The following TMEM132D variants were observed in gnomAD, a reference collection of about 807,000 sequenced individuals.
TMEM132D encodes the protein mature OL transmembrane protein.
A neutral mutation model predicts 62.3 loss-of-function variants in TMEM132D; 21 were observed. The observed-to-expected ratio is 0.34, with a 90% CI of 0.24 to 0.49. TMEM132D has a LOEUF of 0.49. TMEM132D is among the 20% of genes least tolerant of loss of function. The pLI, the probability that TMEM132D is intolerant of heterozygous loss-of-function variation, is 0.99. For missense variants in TMEM132D, 1,346 were observed against 1,402.8 expected, an observed-to-expected ratio of 0.96 and a Z score of 0.65; for synonymous variants, 621 against 575.6, an observed-to-expected ratio of 1.08 and a Z score of -1.13.
chr12:129,815,049 C>T (rs1398928171), intron 1 of TMEM132D, among the ~76,000 whole-genome samples: 1 of 152,032 alleles, frequency 6.6e-6, no homozygotes, highest in Non-Finnish European at 1.5e-5. Flanking sequence ...TTAAGAGCTC[C>T]CTGAGATTGG....
intron 4 of TMEM132D, among the ~76,000 whole-genome samples, chr12:129,287,288 T>C (rs2135615930): frequency 6.6e-6 from 1 of 152,182 alleles, no homozygotes; most frequent in Non-Finnish European, 1.5e-5. Context: ...AAAACAAATA[T>C]CCATGAGTTC....
chr12:129,708,533 G>T (rs942129446), intron 1 of TMEM132D, among the ~76,000 whole-genome samples: 1 of 142,884 alleles, frequency 7.0e-6, no homozygotes, highest in Non-Finnish European at 1.5e-5. Context: ...GCCAGCAGCT[G>T]CCACCCCCAG....
At chr12:129,442,351 C>G (rs1872962592) in intron 3 of TMEM132D, among the ~76,000 whole-genome samples, 1 of 152,122 alleles carries the variant, frequency 6.6e-6, no homozygotes, top group Non-Finnish European at 1.5e-5. Context: ...AGTGCACTTG[C>G]TCTTGGGAGA....
chr12:129,468,518 C>G (rs560648373), intron 3 of TMEM132D, among the ~76,000 whole-genome samples: 10 of 152,320 alleles, frequency 6.6e-5, no homozygotes, highest in African/African-American at 2.4e-4. Flanking sequence ...ACACCTCCAG[C>G]CTCAGACAAG....
intron 1 of TMEM132D, among the ~76,000 whole-genome samples, chr12:129,770,395 G>T (rs1870705412): frequency 6.6e-6 from 1 of 152,086 alleles, no homozygotes; most frequent in Admixed American, 6.5e-5. Context: ...GCCTGCCTCG[G>T]CCTCCCAAAA....
At chr12:129,563,958 A>G (rs868397906) in intron 2 of TMEM132D, among the ~76,000 whole-genome samples, 3 of 152,240 alleles carry the variant, frequency 2.0e-5, no homozygotes, top group Non-Finnish European at 4.4e-5. Flanking sequence ...TACAAAAGAC[A>G]GAATCAAACT....
intron 3 of TMEM132D, among the ~76,000 whole-genome samples, chr12:129,386,494 C>T (rs1006806775): frequency 4.6e-5 from 7 of 151,732 alleles, no homozygotes; most frequent in African/African-American, 1.7e-4. Flanking sequence ...ACACCAACAC[C>T]ACCAATGCTA....
At chr12:129,235,567 A>T (rs1228133724) in intron 4 of TMEM132D, among the ~76,000 whole-genome samples, 2 of 152,148 alleles carry the variant, frequency 1.3e-5, no homozygotes, top group African/African-American at 4.8e-5. Context: ...ATATTTTATT[A>T]TGTGGTTATA....
At chr12:129,488,710 TGGTATTCAGGAGTGTGGCG>T (rs1874664786) in intron 3 of TMEM132D, among the ~76,000 whole-genome samples, 1 of 151,890 alleles carries the variant, frequency 6.6e-6, no homozygotes, top group Non-Finnish European at 1.5e-5. Flanking sequence ...CAGGTATGTT[TGGTATTCAGGAGTGTGGCG>T]GGGGAAACTT....
intron 5 of TMEM132D, among the ~76,000 whole-genome samples, chr12:129,177,447 C>T (rs1013885977): frequency 6.6e-6 from 1 of 152,050 alleles, no homozygotes; most frequent in Non-Finnish European, 1.5e-5. Flanking sequence ...GAGGTGGTTG[C>T]CAGTGTTTGG....
chr12:129,755,897 C>T (rs765892939), intron 1 of TMEM132D, among the ~76,000 whole-genome samples: 5 of 152,140 alleles, frequency 3.3e-5, no homozygotes, highest in East Asian at 1.9e-4. Flanking sequence ...CTCCAACACA[C>T]GTGGGGAAAA....
intron 3 of TMEM132D, among the ~76,000 whole-genome samples, chr12:129,524,401 A>AT (rs1875949962): frequency 1.3e-5 from 2 of 152,162 alleles, no homozygotes; most frequent in African/African-American, 4.8e-5. Flanking sequence ...ACTATTCAAG[A>AT]TTTTCTCCCC....
At chr12:129,544,822 T>C (rs556927852) in intron 2 of TMEM132D, among the ~76,000 whole-genome samples, 21 of 152,336 alleles carry the variant, frequency 1.4e-4, no homozygotes, top group African/African-American at 5.0e-4. Flanking sequence ...GTAACACTTA[T>C]CAGTCAGTTA....
chr12:129,523,451 A>C (rs370567746), intron 3 of TMEM132D, among the ~76,000 whole-genome samples: 12 of 152,328 alleles, frequency 7.9e-5, no homozygotes, highest in Admixed American at 2.6e-4. Context: ...TATTTATGCC[A>C]CACGCATGAC....
rs753025858 is a variant in TMEM132D, at chr12:129,700,355, G to A, written c.423C>T (p.Ser141=). The A allele has an allele frequency of 3.1e-6, 5 of 1,613,910 alleles. No individual in the cohort carries two copies. The highest frequency in any genetic ancestry group is 4.2e-6 in the Non-Finnish European group (5 of 1,180,044). Residue 141 remains serine, a synonymous_variant, in exon 2 of 9, where the codon AGC becomes AGT. Coordinates refer to ENST00000422113, the MANE Select transcript of TMEM132D (RefSeq NM_133448.3). The part of the protein sequence containing the change: ...AHILRDKVYL[S]RPKVQVLFHI... ...GGAACAGAACCTGCACTTTGGGCCG[G>A]CTCAGGTAGACTTTGTCCCGCAGGA...
chr12:129,649,376 T>G (rs1369738949), intron 2 of TMEM132D, among the ~76,000 whole-genome samples: 1 of 152,078 alleles, frequency 6.6e-6, no homozygotes, highest in African/African-American at 2.4e-5. Context: ...AGCCACCAAG[T>G]AAAGTTAAAT....
chr12:129,074,590 A>T lies in TMEM132D; in HGVS notation c.2585T>A (p.Leu862Gln), dbSNP rs201696669. Residue 862 changes from leucine (L) to glutamine (Q), a missense_variant, in exon 9 of 9, where the codon CTG becomes CAG. Leu to Gln is a moderately radical substitution (Grantham distance 113). Transcript: ENST00000422113. ...GRGTTTDRSILQKKKGQESLL... is the reference protein window; with the variant it reads ...GRGTTTDRSIQQKKKGQESLL... ...GCTTTCCTGGCCTTTCTTCTTCTGC[A>T]GGATGGACCTGTCTGTCGTGGTGCC... 3.1e-6 allele frequency: 5 copies of T among 1,614,114 alleles called. No individual in the cohort carries two copies. Among genetic ancestry groups the T allele is most frequent in the Middle Eastern group, 1.6e-4 (1 of 6,062 alleles).
intron 3 of TMEM132D, among the ~76,000 whole-genome samples, chr12:129,419,988 C>G (rs1479150419): frequency 6.6e-6 from 1 of 152,058 alleles, no homozygotes; most frequent in African/African-American, 2.4e-5. Context: ...AAAATGAACT[C>G]AGAAAATTAA....
Position 129,371,416 on chromosome 12 carries a change from T to C in TMEM132D, c.1116-33599A>G, listed in dbSNP as rs1035591811. ...ATGGTGGTGATTATGATGATGATGATGGTGATAATGGAGATGATGATGATG... is the reference window on the plus strand; with the variant it reads ...ATGGTGGTGATTATGATGATGATGACGGTGATAATGGAGATGATGATGATG... On this transcript the variant is annotated intron_variant, in intron 3 of 8. Transcript: ENST00000422113. The surrounding 1 kb of genome is among the most constrained non-coding windows in gnomAD (Gnocchi z 4.3). Among the ~76,000 whole-genome samples the C allele has an allele frequency of 2.0e-5, 3 of 151,508 alleles. No individual in the cohort carries two copies. Among genetic ancestry groups the C allele is most frequent in the African/African-American group, 7.3e-5 (3 of 41,204 alleles).
Sources: allele counts gnomAD v4.1 joint callset (sites outside exome capture counted in the v4.1 genomes callset), GRCh38; gene constraint gnomAD v4.1.1; non-coding constraint Gnocchi (gnomAD v3.1); transcripts MANE v1.5; gene names NCBI Gene and HGNC (gene_info 2026-07-23, HGNC 2026-07-21).